Variants in ZFP1 observed in about 807,000 individuals in gnomAD.
ZFP1 encodes ZFP1 zinc finger protein, also known as zinc finger protein 1 homolog.
In ZFP1, 32 loss-of-function variants were observed where a neutral mutation model predicts 38.5. That is an observed-to-expected ratio of 0.83 (90% CI 0.63 to 1.12). ZFP1 has a LOEUF of 1.12. Ranked by LOEUF, ZFP1 falls within the 50% of genes most tolerant of loss-of-function variation. ZFP1 has a pLI of 0.00. For synonymous variants in ZFP1, 245 were observed against 168.8 expected, an observed-to-expected ratio of 1.45 and a Z score of -3.50; for missense variants, 616 against 480.8, an observed-to-expected ratio of 1.28 and a Z score of -2.63.
chr16:75,128,360 C>G, the ZFP1 span, among the ~76,000 whole-genome samples: 1 of 152,208 alleles, frequency 6.6e-6, no homozygotes, highest in East Asian at 1.9e-4. Context: ...TCCATCAAAA[C>G]CAGTTTAAAA....
chr16:75,166,504 C>T, intron 2 of ZFP1: 2 of 981,120 alleles, frequency 2.0e-6, no homozygotes, highest in Non-Finnish European at 2.4e-6. Flanking sequence ...GCTGGGATTA[C>T]AGGTGTGAGC....
chr16:75,133,125 A>ACG, the ZFP1 span, among the ~76,000 whole-genome samples: 1 of 150,394 alleles, frequency 6.6e-6, no homozygotes, highest in Non-Finnish European at 1.5e-5. Context: ...TTACAGGTGC[A>ACG]TGCCACCACG....
chr16:75,165,643 T>C (rs2038034408), intron 2 of ZFP1, among the ~76,000 whole-genome samples: 1 of 152,182 alleles, frequency 6.6e-6, no homozygotes, highest in Non-Finnish European at 1.5e-5. Flanking sequence ...CACCTCGGCT[T>C]CCTAAAGTGC....
intron 2 of ZFP1, among the ~76,000 whole-genome samples, chr16:75,160,927 AG>A (rs1413474637): frequency 6.6e-6 from 1 of 152,188 alleles, no homozygotes; most frequent in Non-Finnish European, 1.5e-5. Flanking sequence ...CACCTCTCAA[AG>A]GCCACACCTC....
At chr16:75,122,814 C>T in the ZFP1 span, among the ~76,000 whole-genome samples, 48 of 152,296 alleles carry the variant, frequency 3.2e-4, 2 homozygotes, top group South Asian at 9.7e-3. Flanking sequence ...CAGGAATGAA[C>T]AAGAACAGCT....
chr16:75,137,683 G>T, the ZFP1 span, among the ~76,000 whole-genome samples: 2 of 151,776 alleles, frequency 1.3e-5, no homozygotes, highest in Non-Finnish European at 2.9e-5. Flanking sequence ...AGCCAGGATG[G>T]CCTCGATCTC....
intron 2 of ZFP1, among the ~76,000 whole-genome samples, chr16:75,163,381 C>T (rs560137920): frequency 1.3e-4 from 19 of 151,574 alleles, no homozygotes; most frequent in African/African-American, 3.9e-4. Context: ...GGCATGATCT[C>T]GCTCACTGCA....
At chr16:75,122,763 C>G in the ZFP1 span, among the ~76,000 whole-genome samples, 1 of 152,188 alleles carries the variant, frequency 6.6e-6, no homozygotes, top group Non-Finnish European at 1.5e-5. Context: ...TGTTTCAAAG[C>G]TAAATTATAA....
chr16:75,135,054 C>CA, the ZFP1 span, among the ~76,000 whole-genome samples: 29,480 of 140,428 alleles, frequency 0.21, 4,064 homozygotes, highest in East Asian at 0.58. Context: ...AACTCCATCT[C>CA]AAAAAAAAAA....
At chr16:75,153,199 C>T (rs554116043) in intron 2 of ZFP1, among the ~76,000 whole-genome samples, 70 of 152,280 alleles carry the variant, frequency 4.6e-4, no homozygotes, top group African/African-American at 1.6e-3. Flanking sequence ...TATGGACCTT[C>T]ATATAGATGG....
upstream of ZFP1, among the ~76,000 whole-genome samples, chr16:75,143,634 C>A (rs1169210732): frequency 6.8e-6 from 1 of 146,564 alleles, no homozygotes; most frequent in Non-Finnish European, 1.5e-5. Context: ...TTCTGGGGAT[C>A]CAGGAGGTGA....
intron 3 of ZFP1, among the ~76,000 whole-genome samples, chr16:75,168,050 G>A (rs1008596000): frequency 5.3e-5 from 8 of 152,048 alleles, no homozygotes; most frequent in African/African-American, 1.7e-4. Flanking sequence ...AACAGAGACC[G>A]ACCCCATCTC....
At chr16:75,140,823 G>A in the ZFP1 span, among the ~76,000 whole-genome samples, 1 of 151,916 alleles carries the variant, frequency 6.6e-6, no homozygotes, top group African/African-American at 2.4e-5. Flanking sequence ...GCCGGGCGTG[G>A]TGTTGGGCGC....
At chr16:75,135,778 T>C in the ZFP1 span, among the ~76,000 whole-genome samples, 2 of 152,164 alleles carry the variant, frequency 1.3e-5, no homozygotes, top group African/African-American at 4.8e-5. Flanking sequence ...AGTGAAACAA[T>C]ACAGACAAGT....
chr16:75,149,750 C>G (rs938996344), intron 1 of ZFP1, among the ~76,000 whole-genome samples: 1 of 151,340 alleles, frequency 6.6e-6, no homozygotes, highest in Non-Finnish European at 1.5e-5. Context: ...TGTAACTGTT[C>G]CTCTAAATAC....
the ZFP1 span, among the ~76,000 whole-genome samples, chr16:75,127,311 A>T: frequency 6.6e-6 from 1 of 152,188 alleles, no homozygotes; most frequent in East Asian, 1.9e-4. Flanking sequence ...GTGCAGTGGC[A>T]TGATCTCAGC....
At chr16:75,128,480 T>C in the ZFP1 span, among the ~76,000 whole-genome samples, 1 of 152,342 alleles carries the variant, frequency 6.6e-6, no homozygotes, top group East Asian at 1.9e-4. Flanking sequence ...AATAGGAAAC[T>C]AGAGAGAGGA....
chr16:75,140,080 C>G, the ZFP1 span, among the ~76,000 whole-genome samples: 1 of 152,020 alleles, frequency 6.6e-6, no homozygotes, highest in Non-Finnish European at 1.5e-5. Flanking sequence ...ACCAGCCTGA[C>G]CAACGTGGAG....
At chr16:75,138,830 C>T in the ZFP1 span, among the ~76,000 whole-genome samples, 213 of 152,300 alleles carry the variant, frequency 1.4e-3, no homozygotes, top group African/African-American at 4.9e-3. Flanking sequence ...TTTAGACTTC[C>T]GTTCTCCAGA....
Sources: allele counts gnomAD v4.1 joint callset (sites outside exome capture counted in the v4.1 genomes callset), GRCh38; gene constraint gnomAD v4.1.1; transcripts MANE v1.5; gene names NCBI Gene and HGNC (gene_info 2026-07-23, HGNC 2026-07-21).